Variants in PIK3C2G observed in about 807,000 individuals in gnomAD.
PIK3C2G encodes phosphatidylinositol 3-kinase C2 domain-containing subunit gamma.
PIK3C2G carries 168 observed loss-of-function variants against 181.1 expected under a neutral mutation model. That is an observed-to-expected ratio of 0.93 (90% confidence interval 0.82 to 1.05). The LOEUF is 1.05. PIK3C2G is among the 50% of genes least tolerant of loss of function. PIK3C2G has a pLI of 0.00. For synonymous variants in PIK3C2G, 573 were observed against 592.2 expected (o/e 0.97, Z 0.47); for missense variants, 1,869 against 1,732.8 (o/e 1.08, Z -1.40).
chr12:18,295,278 A>G (rs1276946903), intron 5 of PIK3C2G, among the ~76,000 whole-genome samples: 4 of 151,942 alleles, frequency 2.6e-5, no homozygotes, highest in African/African-American at 7.2e-5. Context: ...CAATTTTGAC[A>G]GTAAATCCAA....
chr12:18,489,289 A>C (rs889493859), intron 19 of PIK3C2G, among the ~76,000 whole-genome samples: 1 of 152,134 alleles, frequency 6.6e-6, no homozygotes, highest in African/African-American at 2.4e-5. Flanking sequence ...TTGTATTAAG[A>C]ATATTATTCA....
chr12:18,536,843 G>T (rs1273266611), intron 24 of PIK3C2G, among the ~76,000 whole-genome samples: 1 of 152,002 alleles, frequency 6.6e-6, no homozygotes, highest in Non-Finnish European at 1.5e-5. Flanking sequence ...TTAAAATTTA[G>T]ACCTGATACT....
intron 18 of PIK3C2G, among the ~76,000 whole-genome samples, chr12:18,482,620 C>T (rs1015979873): frequency 6.6e-6 from 1 of 152,048 alleles, no homozygotes; most frequent in Non-Finnish European, 1.5e-5. Flanking sequence ...CTTCTTTGCC[C>T]CCCCTTTTCT....
At chr12:18,681,948 G>A in the PIK3C2G span, among the ~76,000 whole-genome samples, 2,574 of 152,082 alleles carry the variant, frequency 0.017, 40 homozygotes, top group Middle Eastern at 0.051. Context: ...TTAGGGAAGG[G>A]TAAAGCGTTG....
At chr12:18,675,852 T>C in the PIK3C2G span, among the ~76,000 whole-genome samples, 2 of 150,932 alleles carry the variant, frequency 1.3e-5, no homozygotes, top group South Asian at 2.1e-4. Context: ...TAATAGACAC[T>C]AGGGACTCAA....
chr12:18,651,339 A>C (rs1950508952), downstream of PIK3C2G, among the ~76,000 whole-genome samples: 1 of 152,106 alleles, frequency 6.6e-6, no homozygotes, highest in Non-Finnish European at 1.5e-5. Context: ...GAGATGTTGC[A>C]AGCTGCCCTG....
chr12:18,271,545 T>C (rs1948745144), intron 1 of PIK3C2G, among the ~76,000 whole-genome samples: 2 of 152,132 alleles, frequency 1.3e-5, no homozygotes, highest in Non-Finnish European at 2.9e-5. Context: ...GGAAGCAGCT[T>C]GCTTTTCACT....
intron 16 of PIK3C2G, among the ~76,000 whole-genome samples, chr12:18,416,286 G>A (rs1945173414): frequency 6.6e-6 from 1 of 151,610 alleles, no homozygotes. Flanking sequence ...AAGGAAGAAA[G>A]CAAGCAAGCC....
At chr12:18,595,711 G>A (rs1592674801) in intron 30 of PIK3C2G, among the ~76,000 whole-genome samples, 1 of 152,128 alleles carries the variant, frequency 6.6e-6, no homozygotes, top group Non-Finnish European at 1.5e-5. Context: ...CAGTCACACA[G>A]GGCAGGGTGC....
chr12:18,657,632 ATACT>A, the PIK3C2G span, among the ~76,000 whole-genome samples: 1 of 152,220 alleles, frequency 6.6e-6, no homozygotes, highest in South Asian at 2.1e-4. Flanking sequence ...CAATGAATAC[ATACT>A]TTAAAAAATC....
the PIK3C2G span, among the ~76,000 whole-genome samples, chr12:18,664,155 C>A: frequency 6.6e-6 from 1 of 152,144 alleles, no homozygotes; most frequent in East Asian, 1.9e-4. Context: ...AGAATTGGAA[C>A]GCTTATGTAC....
At chr12:18,277,213 T>G (rs988847225) in intron 1 of PIK3C2G, among the ~76,000 whole-genome samples, 3 of 152,150 alleles carry the variant, frequency 2.0e-5, no homozygotes, top group African/African-American at 7.2e-5. Flanking sequence ...TACACCAAAT[T>G]GAACTGAGGA....
In PIK3C2G at chr12:18,497,640, G is replaced by A; in HGVS notation, c.2908G>A (p.Asp970Asn). 3 of 1,612,856 alleles carry A rather than the reference G, an allele frequency of 1.9e-6. No homozygotes were observed. The highest frequency in any genetic ancestry group is 8.5e-7 in the Non-Finnish European group (1 of 1,179,202). ...IFKAGDDLRQ[D>N]MLVLQLIQVM... is the part of the protein sequence containing the mutation. The stretch of plus-strand genomic sequence containing the variant: ...ACAGGCTGGAGATGATCTTCGTCAG[G>A]ATATGCTTGTTCTGCAGCTTATTCA... Residue 970 changes from aspartate (D) to asparagine (N), a missense_variant, in exon 22 of 33, where the codon GAT becomes AAT. Asp to Asn is a conservative substitution (Grantham distance 23, BLOSUM62 1). Transcript: ENST00000538779.
At chr12:18,480,752 A>G (rs1278728205) in intron 18 of PIK3C2G, among the ~76,000 whole-genome samples, 1 of 152,098 alleles carries the variant, frequency 6.6e-6, no homozygotes, top group Non-Finnish European at 1.5e-5. Flanking sequence ...GAATTTGCGT[A>G]TAATTAAAGG....
chr12:18,371,254 G>A lies in PIK3C2G; in HGVS notation c.1823G>A (p.Cys608Tyr), dbSNP rs779079011. 6 of 1,612,250 alleles carry A rather than the reference G, an allele frequency of 3.7e-6. No individual in the cohort carries two copies. Among genetic ancestry groups the A allele is most frequent in the Non-Finnish European group, 4.2e-6 (5 of 1,178,976 alleles). Reference protein sequence around the residue: ...MLTVKLFGIACATNNANLLAW... With the variant: ...MLTVKLFGIAYATNNANLLAW... ...ACTGTAAAACTGTTTGGGATTGCCT[G>A]TGCAACCAACAATGCAAATTTACTG... Residue 608 changes from cysteine to tyrosine, a missense_variant, in exon 13 of 33, where the codon TGT becomes TAT. Transcript: ENST00000538779.
chr12:18,705,030 G>A, the PIK3C2G span: 2 of 1,048,880 alleles, frequency 1.9e-6, no homozygotes, highest in Non-Finnish European at 2.9e-6. Context: ...AGGCAACATT[G>A]CAAAAATAAA....
intron 18 of PIK3C2G, among the ~76,000 whole-genome samples, chr12:18,454,046 C>A (rs563786635): frequency 6.6e-6 from 1 of 152,220 alleles, no homozygotes; most frequent in African/African-American, 2.4e-5. Context: ...CAGAGTTTTT[C>A]TACTAGTTTT....
the PIK3C2G span, chr12:18,687,964 G>C: frequency 2.4e-6 from 3 of 1,272,948 alleles, no homozygotes; most frequent in Admixed American, 2.2e-5. Flanking sequence ...TGCTAATTTT[G>C]GACATAATGG....
At chr12:18,480,468 T>C (rs977662402) in intron 18 of PIK3C2G, among the ~76,000 whole-genome samples, 2 of 152,166 alleles carry the variant, frequency 1.3e-5, no homozygotes, top group African/African-American at 4.8e-5. Context: ...CGTGTTAACA[T>C]ATGAGTAGGC....
Sources: gnomAD v4.1 joint callset for allele counts (sites outside exome capture counted in the v4.1 genomes callset) on GRCh38, gnomAD v4.1.1 for gene constraint, MANE v1.5 for transcripts, NCBI Gene and HGNC (gene_info 2026-07-23, HGNC 2026-07-21) for gene names.